The following ZFP64 variants were observed in gnomAD, a reference collection of about 807,000 sequenced individuals.
ZFP64 encodes the protein ZFP64 zinc finger protein, also known as zinc finger protein 64.
Under a neutral mutation model 51.6 loss-of-function variants are expected in ZFP64, and 14 were observed. The observed-to-expected ratio is 0.27, with a 90% CI of 0.18 to 0.42. The LOEUF (loss-of-function observed/expected upper bound fraction) is 0.42, where lower values mean the gene tolerates loss of function less well. ZFP64 is among the 10% of genes least tolerant of loss of function. ZFP64 has a pLI of 1.00. For synonymous variants in ZFP64, 375 were observed against 361.4 expected, an observed-to-expected ratio of 1.04 and a Z score of -0.43; for missense variants, 754 against 906.8, an observed-to-expected ratio of 0.83 and a Z score of 2.16.
exon 6 of ZFP64, chr20:52,098,449 C>T: frequency 6.2e-7 from 1 of 1,614,012 alleles, no homozygotes; most frequent in South Asian, 1.1e-5. Flanking sequence ...TGGGTAGCAA[C>T]AGTTGAACGT....
At chr20:52,189,107 CTT>C (rs1448048400) in intron 1 of ZFP64, among the ~76,000 whole-genome samples, 1 of 152,116 alleles carries the variant, frequency 6.6e-6, no homozygotes, top group Non-Finnish European at 1.5e-5. Context: ...CATTCATTTT[CTT>C]TACACTTAAA....
chr20:52,098,461 C>T lies in ZFP64; in HGVS notation c.890G>A (p.Arg297Lys). 3 of 1,614,060 alleles carry T rather than the reference C, an allele frequency of 1.9e-6. No individual in the cohort carries two copies. The South Asian group carries it at 3.3e-5, about 18-fold the overall frequency. ...ACCTGGGTAGCAACAGTTGAACGTC[C>T]TCTCTCCAAGGGTGGCCATTTGTTC... is the stretch of plus-strand genomic sequence containing the variant. The change falls in exon 6 of 9, where the codon AGG becomes AAG. Residue 297 changes from arginine to lysine, a missense_variant. Physicochemically the swap from Arg to Lys is conservative, Grantham distance 26. Transcript: ENST00000361387.
Position 52,191,613 on chromosome 20 carries a change from C to G in ZFP64, c.24G>C (p.Glu8Asp). MNASSEG[E>D]SFAGSVQIPG... ...TACTTTGCACCGAGCCCGCGAAGCT[C>G]TCGCCCTCGCTGCTCGCGTTCATGG... is the stretch of plus-strand genomic sequence containing the variant. The change falls in exon 1 of 6, where the codon GAG becomes GAC. Residue 8 changes from glutamate (E) to aspartate (D), a missense_variant. By Grantham distance (45) the Glu-to-Asp change is conservative. This residue lies in a region of ZFP64 where 95 missense variants were observed against 97.7 expected (regional missense o/e 0.97). Coordinates refer to ENST00000216923, the MANE Select transcript of ZFP64 (RefSeq NM_018197.3). This position sits in a 1 kb window ranked among gnomAD's most constrained non-coding sequence, Gnocchi z 4.3. 6.3e-7 allele frequency: 1 copy of G among 1,589,724 alleles called. No individual in the cohort carries two copies. Among genetic ancestry groups the G allele is most frequent in the South Asian group, 1.1e-5 (1 of 87,620 alleles).
chr20:52,131,628 A>G (rs1191195224), intron 5 of ZFP64, among the ~76,000 whole-genome samples: 4 of 152,214 alleles, frequency 2.6e-5, no homozygotes, highest in Non-Finnish European at 4.4e-5. Context: ...GCAGGTCACT[A>G]TATATAATGT....
chr20:52,112,185 T>G (rs1318700299), intron 5 of ZFP64, among the ~76,000 whole-genome samples: 1 of 152,190 alleles, frequency 6.6e-6, no homozygotes, highest in Non-Finnish European at 1.5e-5. Flanking sequence ...TGTCCCATTT[T>G]TCTCATTAAT....
At chr20:52,105,101 C>T (rs1978301014) in intron 5 of ZFP64, 1 of 1,394,438 alleles carries the variant, frequency 7.2e-7, no homozygotes, top group East Asian at 2.8e-5. Context: ...GGCCCCCAGC[C>T]CCCGGGCGGG....
At chr20:52,143,303 T>C (rs1219505471) in intron 5 of ZFP64, among the ~76,000 whole-genome samples, 1 of 142,062 alleles carries the variant, frequency 7.0e-6, no homozygotes. Flanking sequence ...TCTGGCCCTA[T>C]CCCCTTTAAA....
At position 52,119,245 on chromosome 20, in the gene ZFP64, G is replaced by A. The variant is rs117934548; in HGVS notation, c.764-20658C>T. On this transcript the variant is annotated intron_variant, in intron 5 of 8. Coordinates refer to the ZFP64 transcript ENST00000361387. Reference sequence around the variant, plus strand: ...AAAGACCAGGAGGGAAGCTGGGTTCGGTGGTTCACGCCTGTAATCCCAGCA... The same window carrying A: ...AAAGACCAGGAGGGAAGCTGGGTTCAGTGGTTCACGCCTGTAATCCCAGCA... 8.2e-3 allele frequency among the ~76,000 whole-genome samples: 1,247 copies of A among 151,834 alleles called. 7 individuals carry two copies. The highest frequency in any genetic ancestry group is 0.017 in the Middle Eastern group (5 of 292).
At chr20:52,129,071 T>C (rs1351926444) in intron 5 of ZFP64, among the ~76,000 whole-genome samples, 1 of 137,640 alleles carries the variant, frequency 7.3e-6, no homozygotes, top group East Asian at 2.0e-4. Flanking sequence ...GCACCACCAC[T>C]CCTGGCTAAT....
chr20:52,189,663 G>A (rs1050308190), intron 1 of ZFP64, among the ~76,000 whole-genome samples: 8 of 151,792 alleles, frequency 5.3e-5, no homozygotes, highest in African/African-American at 1.9e-4. Context: ...TAGTAGAAAT[G>A]GGGTTTCTTC....
rs746691994 is a variant in ZFP64, at chr20:52,152,236, G to A, written c.1956C>T (p.Ser652=). ...TTAPPVFSSS[S]QQELPKQTYS... ...AGGTCTGCTTGGGTAGTTCTTGCTGGGAAGAGGAGGAGAAGACCGGTGGCG... is the reference window on the plus strand; with the variant it reads ...AGGTCTGCTTGGGTAGTTCTTGCTGAGAAGAGGAGGAGAAGACCGGTGGCG... The change falls in exon 6 of 6, where the codon TCC becomes TCT. Residue 652 remains serine, a synonymous_variant. Transcript: ENST00000216923. The A allele has an allele frequency of 1.2e-6, 2 of 1,614,042 alleles. No individual in the cohort carries two copies. The highest frequency in any genetic ancestry group is 4.5e-5 in the East Asian group (2 of 44,874).
chr20:52,118,236 A>G (rs1245236514), intron 5 of ZFP64, among the ~76,000 whole-genome samples: 5 of 142,122 alleles, frequency 3.5e-5, no homozygotes, highest in Non-Finnish European at 7.6e-5. Flanking sequence ...CCACCCCTTC[A>G]TGGCTTAAAA....
Position 52,151,580 on chromosome 20 carries a change from A to C in ZFP64, c.*566T>G, listed in dbSNP as rs1395868778. 2 of 986,220 alleles carry C rather than the reference A, an allele frequency of 2.0e-6. No homozygotes were observed. The highest frequency in any genetic ancestry group is 2.4e-6 in the Non-Finnish European group (2 of 830,600). 61.1% of individuals were successfully genotyped at this position (986,220 alleles called of 1,614,324 possible). ...CATGAATTCACTACTTAATGCATTT[A>C]ATTCCAACCCCTCATTGGAATCATC... On this transcript the variant is annotated 3_prime_UTR_variant, in exon 6 of 6. Coordinates refer to ENST00000216923, the MANE Select transcript of ZFP64 (RefSeq NM_018197.3).
intron 5 of ZFP64, chr20:52,104,502 T>C: frequency 3.1e-5 from 11 of 357,778 alleles, no homozygotes; most frequent in South Asian, 2.3e-4. Context: ...AATGCAGAGC[T>C]CTTACCAAGG....
chr20:52,113,300 C>T (rs1978692075), intron 5 of ZFP64, among the ~76,000 whole-genome samples: 1 of 150,814 alleles, frequency 6.6e-6, no homozygotes, highest in Non-Finnish European at 1.5e-5. Flanking sequence ...CGCCACTGTA[C>T]TCCAGCCTGG....
Position 52,160,274 on chromosome 20 carries a change from C to A in ZFP64, c.612G>T (p.Lys204Asn). 1 of 1,614,218 alleles carries A rather than the reference C, an allele frequency of 6.2e-7. No homozygotes were observed. The highest frequency in any genetic ancestry group is 2.2e-5 in the East Asian group (1 of 44,882). ...CAGCGGCGTAGTCACACGTCTTACACTTGTAGGGCTTCACGCCCGTGTGGC... is the reference window on the plus strand; with the variant it reads ...CAGCGGCGTAGTCACACGTCTTACAATTGTAGGGCTTCACGCCCGTGTGGC... ...MRCHTGVKPY[K>N]CKTCDYAAAD... The change falls in exon 5 of 6, where the codon AAG becomes AAT. Residue 204 changes from lysine to asparagine, a missense_variant. Physicochemically the swap from Lys to Asn is moderately conservative, Grantham distance 94. Around this residue, in one of 3 missense-constraint regions of ZFP64, gnomAD observed 231 missense variants for 336.7 expected, o/e 0.69. Transcript: ENST00000216923. This position sits in a 1 kb window ranked among gnomAD's most constrained non-coding sequence, Gnocchi z 4.2.
chr20:52,144,847 C>T (rs999732616), intron 5 of ZFP64, among the ~76,000 whole-genome samples: 4 of 151,888 alleles, frequency 2.6e-5, no homozygotes, highest in African/African-American at 4.8e-5. Flanking sequence ...CATAGGGCCA[C>T]GTAATTGAAA....
intron 2 of ZFP64, among the ~76,000 whole-genome samples, chr20:52,176,629 C>T (rs925862252): frequency 6.6e-6 from 1 of 151,656 alleles, no homozygotes; most frequent in Non-Finnish European, 1.5e-5. Context: ...CCTGCCTCAG[C>T]CTCCCGAGTA....
At position 52,104,977 on chromosome 20, in the gene ZFP64, G is replaced by C. The variant is rs567277237; in HGVS notation, c.764-6390C>G. 159 of 853,778 alleles carry C rather than the reference G, an allele frequency of 1.9e-4. No homozygotes were observed. In the African/African-American group the frequency reaches 2.5e-3, roughly 14 times the overall value. The allele number at this position is 853,778 out of a possible 1,614,324, so 52.9% of individuals were successfully genotyped here. On this transcript the variant is annotated intron_variant, in intron 5 of 8. Transcript: ENST00000361387. ...GAGAGTGTAATTTACAAAGGCGGGG[G>C]GCGGGGACGCCCAGGTCCGAGTCCC... is the stretch of plus-strand genomic sequence containing the variant.
Sources: gnomAD v4.1 joint callset for allele counts (sites outside exome capture counted in the v4.1 genomes callset) on GRCh38, gnomAD v4.1.1 for gene constraint, gnomAD v4.1.1 regional missense constraint, Gnocchi (gnomAD v3.1) non-coding constraint, MANE v1.5 for transcripts, NCBI Gene and HGNC (gene_info 2026-07-23, HGNC 2026-07-21) for gene names.